ITSN1: variants seen among roughly 807,000 people sequenced by gnomAD.
ITSN1 encodes intersectin 1.
In ITSN1, 58 loss-of-function variants were observed where a neutral mutation model predicts 239.8. That is an observed-to-expected ratio of 0.24 (90% confidence interval 0.20 to 0.30). ITSN1 has a LOEUF of 0.30. Ranked by LOEUF, ITSN1 falls within the 10% of genes least tolerant of loss-of-function variation. The pLI is 1.00. For missense variants in ITSN1, 1,558 were observed against 2,103.3 expected (o/e 0.74, Z 5.07); for synonymous variants, 780 against 770.8 (o/e 1.01, Z -0.20).
At chr21:33,778,874 G>A (rs772826747) in intron 14 of ITSN1, among the ~76,000 whole-genome samples, 25 of 141,340 alleles carry the variant, frequency 1.8e-4, no homozygotes, top group Admixed American at 1.3e-3. Flanking sequence ...CACCGCGCCC[G>A]GCCTATAATA....
At chr21:33,877,713 A>T (rs2148541638) in intron 34 of ITSN1, among the ~76,000 whole-genome samples, 1 of 152,272 alleles carries the variant, frequency 6.6e-6, no homozygotes, top group Non-Finnish European at 1.5e-5. Context: ...CAGCGTCAGC[A>T]GATTCAAGAG....
At chr21:33,788,684 G>T (rs1286675357) in intron 16 of ITSN1, among the ~76,000 whole-genome samples, 7 of 152,178 alleles carry the variant, frequency 4.6e-5, no homozygotes, top group Admixed American at 1.3e-4. Flanking sequence ...AGAGAGCCAA[G>T]ATCATGCCAC....
At chr21:33,690,840 T>TAAAAAAAAAAAA (rs2091508357) in intron 1 of ITSN1, among the ~76,000 whole-genome samples, 1 of 53,916 alleles carries the variant, frequency 1.9e-5, no homozygotes, top group Non-Finnish European at 3.8e-5. Context: ...TATATATATG[T>TAAAAAAAAAAAA]AAAAGTTAAA....
chr21:33,823,245 T>C (rs557475543), intron 24 of ITSN1, among the ~76,000 whole-genome samples: 4 of 152,352 alleles, frequency 2.6e-5, no homozygotes, highest in Admixed American at 2.6e-4. Context: ...TTGGGTTTTT[T>C]ATTCCTGTGT....
chr21:33,802,902 A>G (rs181497613), intron 20 of ITSN1, among the ~76,000 whole-genome samples: 15 of 152,340 alleles, frequency 9.8e-5, no homozygotes, highest in Admixed American at 2.6e-4. Context: ...TAAAATGTCT[A>G]TGTTTCAAAA....
At chr21:33,836,680 G>T (rs376274183) in intron 29 of ITSN1, 48 bp downstream of exon 29, 38 of 1,430,540 alleles carry the variant, frequency 2.7e-5, no homozygotes, top group Non-Finnish European at 3.6e-5. Flanking sequence ...GTATCTTCCC[G>T]TAAAACATGC....
chr21:33,735,007 G>A, intron 4 of ITSN1, 37 bp from the exon 5 acceptor site: 2 of 1,570,290 alleles, frequency 1.3e-6, no homozygotes, highest in South Asian at 2.4e-5. Flanking sequence ...TTCTTTTATG[G>A]TCACAGTTGT....
chr21:33,775,134 T>A (rs747664678), intron 14 of ITSN1, 26 bp downstream of exon 14: 1 of 1,594,532 alleles, frequency 6.3e-7, no homozygotes, highest in African/African-American at 1.4e-5. Flanking sequence ...TCTTAAAAGC[T>A]ATTATATTAA....
At chr21:33,876,109 CTTTCTTTCT>C (rs1983733154) in intron 34 of ITSN1, among the ~76,000 whole-genome samples, 1 of 2,734 alleles carries the variant, frequency 3.7e-4, no homozygotes, top group Non-Finnish European at 5.8e-4. Flanking sequence ...TTCCTTCTTT[CTTTCTTTCT>C]TTCTTTCTTT....
chr21:33,704,012 C>T (rs185407145), intron 1 of ITSN1, among the ~76,000 whole-genome samples: 4 of 152,284 alleles, frequency 2.6e-5, no homozygotes, highest in African/African-American at 4.8e-5. Flanking sequence ...GAATGCCTTT[C>T]CTTTTCTCTA....
intron 31 of ITSN1, among the ~76,000 whole-genome samples, chr21:33,860,939 G>T (rs1308393855): frequency 6.7e-6 from 1 of 149,932 alleles, no homozygotes; most frequent in Non-Finnish European, 1.5e-5. Flanking sequence ...CCATCAGGGG[G>T]CTGATGTGTA....
At chr21:33,766,367 A>G (rs1267670858) in intron 10 of ITSN1, among the ~76,000 whole-genome samples, 1 of 152,254 alleles carries the variant, frequency 6.6e-6, no homozygotes. Context: ...TGTGAATTCC[A>G]CACATTTCAG....
intron 5 of ITSN1, among the ~76,000 whole-genome samples, chr21:33,741,162 G>A (rs2066826128): frequency 6.6e-6 from 1 of 152,170 alleles, no homozygotes; most frequent in African/African-American, 2.4e-5. Flanking sequence ...GCAGTATGCT[G>A]TGTCAAGCCT....
intron 4 of ITSN1, among the ~76,000 whole-genome samples, chr21:33,731,774 GT>G: frequency 1.3e-5 from 2 of 152,240 alleles, no homozygotes; most frequent in Admixed American, 1.3e-4. Context: ...TTTCTAATAA[GT>G]AGAAAGGAAA....
At chr21:33,837,211 A>G (rs1366397421) in intron 29 of ITSN1, 2 of 1,263,980 alleles carry the variant, frequency 1.6e-6, no homozygotes, top group East Asian at 3.0e-5. Context: ...TTGCAGAGAT[A>G]GGAGCAAAAA....
At chr21:33,765,799 C>A (rs1394353578) in intron 9 of ITSN1, 76 bp from the exon 10 acceptor site, 16 of 1,522,968 alleles carry the variant, frequency 1.1e-5, no homozygotes, top group Non-Finnish European at 1.4e-5. Flanking sequence ...GAAAACATAA[C>A]TTTTAAATCA....
intron 25 of ITSN1, among the ~76,000 whole-genome samples, chr21:33,825,539 G>A (rs531656913): frequency 3.3e-5 from 5 of 152,306 alleles, no homozygotes; most frequent in Non-Finnish European, 7.4e-5. Context: ...GTGCAGGGAG[G>A]ACAGAACATG....
At chr21:33,844,579 A>G (rs369350946) in intron 29 of ITSN1, among the ~76,000 whole-genome samples, 9 of 152,136 alleles carry the variant, frequency 5.9e-5, no homozygotes, top group East Asian at 1.9e-4. Flanking sequence ...ATGCTGCCCC[A>G]AAGCGCTGTC....
intron 16 of ITSN1, among the ~76,000 whole-genome samples, chr21:33,786,843 A>AGG (rs1211842327): frequency 6.6e-6 from 1 of 152,144 alleles, no homozygotes; most frequent in African/African-American, 2.4e-5. Flanking sequence ...GTGGCAATGG[A>AGG]GGAGGCAGTG....
Sources: gnomAD v4.1 joint callset for allele counts (sites outside exome capture counted in the v4.1 genomes callset) on GRCh38, gnomAD v4.1.1 for gene constraint, MANE v1.5 for transcripts, NCBI Gene and HGNC (gene_info 2026-07-23, HGNC 2026-07-21) for gene names.